Variants in DENND5A observed in about 807,000 individuals in gnomAD.
The protein encoded by DENND5A is DENN domain containing 5A, also known as DENN domain-containing protein 5A.
Under a neutral mutation model 140.3 loss-of-function variants are expected in DENND5A, and 64 were observed. That is an observed-to-expected ratio of 0.46 (90% confidence interval 0.37 to 0.56). The LOEUF (loss-of-function observed/expected upper bound fraction) is 0.56. Ranked by LOEUF, DENND5A falls within the 20% of genes least tolerant of loss-of-function variation. DENND5A has a pLI of 0.00. For missense variants in DENND5A, 1,292 were observed against 1,593.8 expected (o/e 0.81, Z 3.22); for synonymous variants, 605 against 607.7 (o/e 1.00, Z 0.07).
At chr11:9,139,919 T>C in intron 22 of DENND5A, 65 bp from the exon 23 acceptor site, 1 of 1,508,284 alleles carries the variant, frequency 6.6e-7, no homozygotes, top group Non-Finnish European at 9.1e-7. Context: ...AGAGCGTTAG[T>C]GCAAGGCCAA....
chr11:9,143,356 T>C, intron 20 of DENND5A, 47 bp downstream of exon 20: 1 of 1,510,284 alleles, frequency 6.6e-7, no homozygotes, highest in Non-Finnish European at 9.2e-7. Flanking sequence ...AAAATTATTC[T>C]CTCTTATTCA....
chr11:9,161,236 T>C (rs1295180272), intron 11 of DENND5A, among the ~76,000 whole-genome samples: 2 of 152,164 alleles, frequency 1.3e-5, no homozygotes, highest in African/African-American at 4.8e-5. Context: ...TGGTCCCAGC[T>C]ACTCAGGAGG....
chr11:9,192,192 T>A (rs1849149876), intron 5 of DENND5A, among the ~76,000 whole-genome samples: 1 of 152,164 alleles, frequency 6.6e-6, no homozygotes, highest in Non-Finnish European at 1.5e-5. Flanking sequence ...AATTTAAATA[T>A]CACAGACATG....
At chr11:9,238,927 G>A (rs1288891001) in intron 1 of DENND5A, among the ~76,000 whole-genome samples, 4 of 151,508 alleles carry the variant, frequency 2.6e-5, no homozygotes, top group African/African-American at 4.8e-5. Context: ...CGCCTCCTGG[G>A]TTCAGACGAT....
intron 1 of DENND5A, among the ~76,000 whole-genome samples, chr11:9,232,027 A>G (rs1012522690): frequency 1.3e-5 from 2 of 151,354 alleles, no homozygotes; most frequent in Non-Finnish European, 2.9e-5. Flanking sequence ...AACGGCCAAG[A>G]AAAAAAAATG....
At chr11:9,184,732 G>A (rs12099067) in intron 5 of DENND5A, among the ~76,000 whole-genome samples, 19,994 of 152,118 alleles carry the variant, frequency 0.13, 1,450 homozygotes, top group African/African-American at 0.18. Context: ...CATTTTTTAC[G>A]CAATGCCTGT....
intron 8 of DENND5A, chr11:9,172,372 GAGA>G (rs1181616825): frequency 1.3e-5 from 2 of 152,170 alleles, no homozygotes; most frequent in African/African-American, 4.8e-5. Flanking sequence ...TTTGTATATA[GAGA>G]AGATCAAAAT....
chr11:9,143,285 A>C (rs1564878303), intron 20 of DENND5A, 118 bp downstream of exon 20: 4 of 908,540 alleles, frequency 4.4e-6, no homozygotes, highest in Non-Finnish European at 7.2e-6. Context: ...ACACTCTACA[A>C]GACTCTAGGG....
intron 1 of DENND5A, among the ~76,000 whole-genome samples, chr11:9,241,292 C>T (rs572247411): frequency 6.6e-6 from 1 of 152,182 alleles, no homozygotes; most frequent in Non-Finnish European, 1.5e-5. Flanking sequence ...TGCATCAGGA[C>T]AGTGGCTTGT....
At chr11:9,241,360 G>A (rs928709399) in intron 1 of DENND5A, among the ~76,000 whole-genome samples, 3 of 152,076 alleles carry the variant, frequency 2.0e-5, no homozygotes, top group African/African-American at 7.2e-5. Flanking sequence ...GGTAAAGGGT[G>A]GGGTTAAAAT....
chr11:9,193,979 G>A (rs1464435435), intron 4 of DENND5A, among the ~76,000 whole-genome samples: 1 of 152,188 alleles, frequency 6.6e-6, no homozygotes, highest in Non-Finnish European at 1.5e-5. Context: ...TACTACCACA[G>A]AATGTTAAGT....
chr11:9,170,259 G>A (rs899777075), intron 9 of DENND5A: 1 of 983,572 alleles, frequency 1.0e-6, no homozygotes, highest in South Asian at 4.7e-5. Flanking sequence ...AGTAACTAAT[G>A]AGTAATTCTG....
chr11:9,238,865 CTT>C (rs1324593195), intron 1 of DENND5A, among the ~76,000 whole-genome samples: 1 of 142,090 alleles, frequency 7.0e-6, no homozygotes, highest in African/African-American at 2.6e-5. Flanking sequence ...AATTTTCACT[CTT>C]GTTGCCCAGG....
chr11:9,178,961 C>G lies in DENND5A; in HGVS notation c.1568G>C (p.Arg523Pro). 6.2e-7 allele frequency: 1 copy of G among 1,614,072 alleles called. No individual in the cohort carries two copies. The highest frequency in any genetic ancestry group is 8.5e-7 in the Non-Finnish European group (1 of 1,180,006). ...ATAATCTGCAAACATCTGAGTGAAA[C>G]GATTTGCAAAAACTTCCCGGATCTG... ...NIQIREVFAN[R>P]FTQMFADYEV... The change falls in exon 7 of 23, where the codon CGT (arginine) becomes CCT (proline). Residue 523 changes from arginine (R) to proline (P), a missense_variant. Transcript: ENST00000328194.
chr11:9,174,516 CTTT>C (rs575928246), intron 8 of DENND5A, among the ~76,000 whole-genome samples: 9 of 133,790 alleles, frequency 6.7e-5, no homozygotes, highest in Non-Finnish European at 1.3e-4. Context: ...AAGGTTATTT[CTTT>C]TTTTTTTTTT....
At chr11:9,238,989 A>G (rs1277699457) in intron 1 of DENND5A, among the ~76,000 whole-genome samples, 1 of 151,192 alleles carries the variant, frequency 6.6e-6, no homozygotes, top group Non-Finnish European at 1.5e-5. Flanking sequence ...ACGCCACCAC[A>G]CCCGGCTAAT....
At chr11:9,191,771 T>G (rs919237849) in intron 5 of DENND5A, among the ~76,000 whole-genome samples, 1 of 152,270 alleles carries the variant, frequency 6.6e-6, no homozygotes, top group Non-Finnish European at 1.5e-5. Flanking sequence ...TATTAAAGTA[T>G]GCACATAGCT....
At chr11:9,172,497 G>A (rs370685243) in intron 8 of DENND5A, among the ~76,000 whole-genome samples, 1 of 152,344 alleles carries the variant, frequency 6.6e-6, no homozygotes, top group East Asian at 1.9e-4. Context: ...TGTGTGGTGG[G>A]AGGGACCCAG....
At chr11:9,170,411 G>C (rs1048660666) in intron 9 of DENND5A, 2 of 545,524 alleles carry the variant, frequency 3.7e-6, no homozygotes, top group African/African-American at 2.1e-5. Flanking sequence ...TAGACATATG[G>C]AGCTATCCCA....
Sources: gnomAD v4.1 joint callset for allele counts (sites outside exome capture counted in the v4.1 genomes callset) on GRCh38, gnomAD v4.1.1 for gene constraint, MANE v1.5 for transcripts, NCBI Gene and HGNC (gene_info 2026-07-23, HGNC 2026-07-21) for gene names.